Variants in KCNMB2 observed in about 807,000 individuals in gnomAD.
The protein encoded by KCNMB2 is potassium calcium-activated channel subfamily M regulatory beta subunit 2.
Under a neutral mutation model 24.5 loss-of-function variants are expected in KCNMB2, and 9 were observed. The observed-to-expected ratio is 0.37, with a 90% confidence interval of 0.22 to 0.64. The LOEUF is 0.64. Among genes scored for constraint, KCNMB2 ranks in the 30% least tolerant of loss-of-function variants. The pLI is 0.63. For synonymous variants in KCNMB2, 109 were observed against 104.4 expected (o/e 1.04, Z -0.27); for missense variants, 226 against 284.3 (o/e 0.79, Z 1.47).
intron 1 of KCNMB2, among the ~76,000 whole-genome samples, chr3:178,547,824 A>T (rs1203810566): frequency 6.6e-6 from 1 of 152,148 alleles, no homozygotes; most frequent in Non-Finnish European, 1.5e-5. Context: ...TCTACTACCT[A>T]TGTTGACATT....
chr3:178,694,533 C>A (rs1721806582), intron 1 of KCNMB2, among the ~76,000 whole-genome samples: 1 of 152,138 alleles, frequency 6.6e-6, no homozygotes, highest in Non-Finnish European at 1.5e-5. Flanking sequence ...AAATCAAAAG[C>A]AAGTTAGTTA....
intron 1 of KCNMB2, among the ~76,000 whole-genome samples, chr3:178,599,697 C>G (rs77553704): frequency 6.6e-6 from 1 of 152,124 alleles, no homozygotes; most frequent in South Asian, 2.1e-4. Context: ...TGTCGTGCAA[C>G]TAATTTCCAA....
intron 1 of KCNMB2, among the ~76,000 whole-genome samples, chr3:178,568,979 T>C (rs1300275451): frequency 6.6e-6 from 1 of 152,142 alleles, no homozygotes; most frequent in Non-Finnish European, 1.5e-5. Flanking sequence ...TGGATATAAA[T>C]GACAGAAACA....
chr3:178,667,937 T>A (rs1720776067), intron 1 of KCNMB2, among the ~76,000 whole-genome samples: 1 of 152,152 alleles, frequency 6.6e-6, no homozygotes, highest in African/African-American at 2.4e-5. Context: ...GAATAATTAC[T>A]GTGAGGATGG....
At chr3:178,796,552 A>G (rs1017744866) in intron 1 of KCNMB2, among the ~76,000 whole-genome samples, 1 of 152,222 alleles carries the variant, frequency 6.6e-6, no homozygotes, top group African/African-American at 2.4e-5. Context: ...AATATCAAAT[A>G]TCTTTTCTGA....
intron 1 of KCNMB2, among the ~76,000 whole-genome samples, chr3:178,650,207 A>T (rs1720060340): frequency 6.6e-6 from 1 of 151,968 alleles, no homozygotes; most frequent in Non-Finnish European, 1.5e-5. Flanking sequence ...GGTCTGAGAG[A>T]CTGTTTGTTA....
intron 1 of KCNMB2, among the ~76,000 whole-genome samples, chr3:178,761,856 G>A (rs1485279631): frequency 6.6e-6 from 1 of 152,084 alleles, no homozygotes; most frequent in East Asian, 1.9e-4. Context: ...AGATTGTGAG[G>A]ACTATGAAGA....
chr3:178,683,097 T>C (rs1175050125), intron 1 of KCNMB2, among the ~76,000 whole-genome samples: 1 of 151,992 alleles, frequency 6.6e-6, no homozygotes, highest in Non-Finnish European at 1.5e-5. Flanking sequence ...ATGGTACCCA[T>C]CAACAGTAGA....
intron 1 of KCNMB2, among the ~76,000 whole-genome samples, chr3:178,621,315 G>A (rs1423706040): frequency 1.3e-5 from 2 of 151,706 alleles, no homozygotes; most frequent in East Asian, 1.9e-4. Context: ...CCTTTTCTCT[G>A]TTTCTAGAAG....
At chr3:178,754,662 G>A (rs1723966039) in intron 1 of KCNMB2, among the ~76,000 whole-genome samples, 1 of 152,142 alleles carries the variant, frequency 6.6e-6, no homozygotes, top group Admixed American at 6.5e-5. Context: ...AACAGGGGAG[G>A]TAGGTAGATC....
At chr3:178,747,885 G>A (rs936833459) in intron 1 of KCNMB2, among the ~76,000 whole-genome samples, 2 of 152,186 alleles carry the variant, frequency 1.3e-5, no homozygotes, top group Admixed American at 1.3e-4. Flanking sequence ...CCCTGAACCA[G>A]TTTTCTGTTG....
chr3:178,609,853 G>C (rs758743951), intron 1 of KCNMB2, among the ~76,000 whole-genome samples: 4 of 152,024 alleles, frequency 2.6e-5, no homozygotes, highest in Non-Finnish European at 5.9e-5. Context: ...GCTCAGGCTG[G>C]TTTCAAGCTC....
intron 1 of KCNMB2, among the ~76,000 whole-genome samples, chr3:178,772,379 G>A (rs1252887482): frequency 6.6e-6 from 1 of 152,194 alleles, no homozygotes; most frequent in African/African-American, 2.4e-5. Flanking sequence ...GAGGCTGGAA[G>A]GATGCAACTG....
At chr3:178,626,901 G>GTA (rs1397386086) in intron 1 of KCNMB2, among the ~76,000 whole-genome samples, 2 of 148,260 alleles carry the variant, frequency 1.3e-5, no homozygotes, top group Admixed American at 6.8e-5. Flanking sequence ...TATATAGTAA[G>GTA]TATATATATA....
chr3:178,657,836 G>A (rs1439842508), intron 1 of KCNMB2, among the ~76,000 whole-genome samples: 1 of 152,184 alleles, frequency 6.6e-6, no homozygotes, highest in East Asian at 1.9e-4. Context: ...AAACACAAGA[G>A]GCAGCCTCAC....
chr3:178,782,383 T>G (rs1577183768), intron 1 of KCNMB2, among the ~76,000 whole-genome samples: 1 of 151,372 alleles, frequency 6.6e-6, no homozygotes. Flanking sequence ...TCCACAATGG[T>G]TGAACTAGTG....
intron 1 of KCNMB2, among the ~76,000 whole-genome samples, chr3:178,617,452 G>C (rs755313610): frequency 7.2e-5 from 11 of 152,054 alleles, no homozygotes; most frequent in African/African-American, 2.7e-4. Context: ...CAGCTACTCA[G>C]GAGGCTGAGG....
At chr3:178,622,170 A>C (rs1718945789) in intron 1 of KCNMB2, among the ~76,000 whole-genome samples, 1 of 152,222 alleles carries the variant, frequency 6.6e-6, no homozygotes. Context: ...TGTTTAAAAC[A>C]TGCCTTCTCA....
intron 1 of KCNMB2, among the ~76,000 whole-genome samples, chr3:178,759,336 TCC>T: frequency 1.2e-5 from 1 of 83,638 alleles, no homozygotes; most frequent in Non-Finnish European, 2.3e-5. Context: ...TATATATATC[TCC>T]AAGAGGATAT....
Sources: gnomAD v4.1 joint callset for allele counts (sites outside exome capture counted in the v4.1 genomes callset) on GRCh38, gnomAD v4.1.1 for gene constraint, MANE v1.5 for transcripts, NCBI Gene and HGNC (gene_info 2026-07-23, HGNC 2026-07-21) for gene names.